The following ZNF81 variants were observed in gnomAD, a reference collection of about 807,000 sequenced individuals.
The protein encoded by ZNF81 is zinc finger protein 81 (HFZ20).
ZNF81 carries 5 observed loss-of-function variants against 32.3 expected under a neutral mutation model. The ratio of observed to expected loss-of-function variants is 0.15; its 90% CI spans 0.08 to 0.33. The LOEUF (loss-of-function observed/expected upper bound fraction) is 0.33. Ranked by LOEUF, ZNF81 falls within the 10% of genes least tolerant of loss-of-function variation. ZNF81 has a pLI of 1.00. For missense variants in ZNF81, 379 were observed against 479.8 expected, an observed-to-expected ratio of 0.79 and a Z score of 1.96; for synonymous variants, 163 against 166.8, an observed-to-expected ratio of 0.98 and a Z score of 0.17.
chrX:47,841,491 G>T, intron 1 of ZNF81: 3 of 1,021,946 alleles, frequency 2.9e-6, no homozygotes, highest in Admixed American at 4.4e-5. Context: ...ACTTCTAGTC[G>T]TCTGAGACGC....
At chrX:47,841,107 GA>G in intron 1 of ZNF81, 1 of 865,481 alleles carries the variant, frequency 1.2e-6, no homozygotes, top group Non-Finnish European at 1.7e-6. Context: ...AGATCTCCTC[GA>G]AATGTTTCCC....
Position 47,882,172 on chromosome X carries a change from A to G in ZNF81, c.55-5827A>G, listed in dbSNP as rs181906668. Among the ~76,000 whole-genome samples the G allele has an allele frequency of 1.3e-4, 14 of 111,243 alleles. No individual in the cohort carries two copies. The East Asian group carries it at 3.4e-3, about 27-fold the overall frequency. On this transcript the variant is annotated intron_variant, in intron 2 of 4. Coordinates refer to ENST00000338637, the MANE Select transcript of ZNF81 (RefSeq NM_007137.5). ...AGTTTTGACAAGTATATGTGTGTGT[A>G]TATATATATGTACATATATATACAC...
chrX:47,846,392 A>G, intron 2 of ZNF81, 71 bp downstream of exon 2: 1 of 1,123,892 alleles, frequency 8.9e-7, no homozygotes, highest in East Asian at 3.1e-5. Context: ...ACTACCTCAT[A>G]GTTTTCATTT....
rs141180719 is a variant in ZNF81 at position 47,879,937 on chromosome X, A to G, written c.55-8062A>G. Among the ~76,000 whole-genome samples, 15 of 112,269 alleles carry G rather than the reference A, an allele frequency of 1.3e-4. 1 individual carries two copies. In the East Asian group the frequency reaches 4.2e-3, roughly 31 times the overall value. ...GGCCATTTGCCCTGTGCTATGTCCC[A>G]CATTTTGGAATTTGCTAATTGTATT... is the stretch of plus-strand genomic sequence containing the variant. On this transcript the variant is annotated intron_variant, in intron 2 of 4. Coordinates refer to ENST00000338637, the MANE Select transcript of ZNF81 (RefSeq NM_007137.5).
chrX:47,862,471 C>T (rs1270541303), intron 2 of ZNF81, among the ~76,000 whole-genome samples: 4 of 105,924 alleles, frequency 3.8e-5, no homozygotes, highest in Admixed American at 3.1e-4. Context: ...TGCAGTGAGC[C>T]GAGATCATGC....
chrX:47,837,112 C>T (rs1033710788), intron 1 of ZNF81, 125 bp downstream of exon 1: 1 of 127,733 alleles, frequency 7.8e-6, no homozygotes, highest in Non-Finnish European at 1.6e-5. Context: ...TCTAACATCA[C>T]CGTTAAGGTC....
At chrX:47,891,993 G>A (rs369301476) in intron 3 of ZNF81, among the ~76,000 whole-genome samples, 1 of 111,177 alleles carries the variant, frequency 9.0e-6, no homozygotes, top group African/African-American at 3.3e-5. Context: ...GCTCAAGTCT[G>A]GGAATTGATT....
Position 47,916,178 on chromosome X carries a change from C to T in ZNF81, c.1532C>T (p.Ser511Leu). 2 of 1,211,565 alleles carry T rather than the reference C, an allele frequency of 1.7e-6. No individual in the cohort carries two copies. The highest frequency in any genetic ancestry group is 2.2e-6 in the Non-Finnish European group (2 of 895,426). Residue 511 changes from serine to leucine, a missense_variant, in exon 5 of 5, where the codon TCA (serine) becomes TTA (leucine). By Grantham distance (145) the Ser-to-Leu change is moderately radical. Around this residue, in one of 2 missense-constraint regions of ZNF81, gnomAD observed 102 missense variants for 173.2 expected, o/e 0.59. Transcript: ENST00000338637. ...TECGKAFTNR[S>L]NLNTHQKSHT... Reference sequence around the variant, plus strand: ...TGTGGGAAGGCTTTCACCAACAGGTCAAATCTCAATACTCACCAGAAGTCT... The same window carrying T: ...TGTGGGAAGGCTTTCACCAACAGGTTAAATCTCAATACTCACCAGAAGTCT...
rs782284307 is a variant in ZNF81 at position 47,918,414 on chromosome X, C to T, written c.*1782C>T. 3 of 111,343 alleles carry T rather than the reference C, an allele frequency of 2.7e-5. No homozygotes were observed. The highest frequency in any genetic ancestry group is 3.8e-5 in the Non-Finnish European group (2 of 53,065). 9.2% of individuals were successfully genotyped at this position (111,343 alleles called of 1,213,427 possible). ...TAAGGGCTTCTAAAAATCTTCATGA[C>T]GTTGTCCCATAGAAGCCTGACATAC... On this transcript the variant is annotated 3_prime_UTR_variant, in exon 5 of 5. Coordinates refer to ENST00000338637, the MANE Select transcript of ZNF81 (RefSeq NM_007137.5).
intron 4 of ZNF81, among the ~76,000 whole-genome samples, chrX:47,901,582 C>A (rs1480088024): frequency 9.0e-6 from 1 of 111,443 alleles, no homozygotes; most frequent in Non-Finnish European, 1.9e-5. Context: ...TGCATTTTAT[C>A]CTACTAATAT....
rs183591581 is a variant in ZNF81, at chrX:47,865,405, G to A, written c.54+19084G>A. ...GCTATCTTTCGTAAGGGGTGTTGCT[G>A]GTGACTCTGTAAGGACAATGAAAAA... On this transcript the variant is annotated intron_variant, in intron 2 of 4. Coordinates refer to ENST00000338637, the MANE Select transcript of ZNF81 (RefSeq NM_007137.5). 8.0e-5 allele frequency among the ~76,000 whole-genome samples: 9 copies of A among 112,009 alleles called. No homozygotes were observed. The East Asian group carries it at 2.2e-3, about 28-fold the overall frequency.
intron 2 of ZNF81, among the ~76,000 whole-genome samples, chrX:47,863,238 A>G (rs1176700108): frequency 9.0e-5 from 10 of 111,729 alleles, no homozygotes; most frequent in African/African-American, 2.9e-4. Flanking sequence ...CAAGGCAGCT[A>G]TAAGGTTGTC....
At position 47,916,881 on chromosome X, in the gene ZNF81, G is replaced by A. The variant is rs2058759114; in HGVS notation, c.*249G>A. 3 of 318,120 alleles carry A rather than the reference G, an allele frequency of 9.4e-6. No individual in the cohort carries two copies. In the Admixed American group the frequency reaches 1.6e-4, roughly 17 times the overall value. 26.2% of individuals were successfully genotyped at this position (318,120 alleles called of 1,213,427 possible). ...AGTCATACTGGGAAAAATGTTGTCAGTTTGGTGTGTTAGGAAAAGCCTTCC... is the reference window on the plus strand; with the variant it reads ...AGTCATACTGGGAAAAATGTTGTCAATTTGGTGTGTTAGGAAAAGCCTTCC... On this transcript the variant is annotated 3_prime_UTR_variant, in exon 5 of 5. Coordinates refer to ENST00000338637, the MANE Select transcript of ZNF81 (RefSeq NM_007137.5).
chrX:47,891,533 C>G (rs1237952040), intron 3 of ZNF81, among the ~76,000 whole-genome samples: 1 of 112,145 alleles, frequency 8.9e-6, no homozygotes, highest in East Asian at 2.8e-4. Flanking sequence ...CCTTTCCCAC[C>G]ATAAGAGCCC....
intron 2 of ZNF81, among the ~76,000 whole-genome samples, chrX:47,858,988 G>T (rs1281704661): frequency 9.1e-6 from 1 of 109,751 alleles, no homozygotes; most frequent in Non-Finnish European, 1.9e-5. Flanking sequence ...TACTTGGGAG[G>T]CTGAGGCAGG....
chrX:47,860,178 C>CTTT (rs35562353), intron 2 of ZNF81, among the ~76,000 whole-genome samples: 2 of 91,690 alleles, frequency 2.2e-5, no homozygotes, highest in Non-Finnish European at 2.1e-5. Context: ...ATGAGATGAC[C>CTTT]TTTTTTTTTT....
chrX:47,920,231 AC>A lies in ZNF81; in HGVS notation c.*3600del, dbSNP rs782739818. The A allele has an allele frequency of 6.3e-5, 7 of 111,876 alleles. No individual in the cohort carries two copies. The highest frequency in any genetic ancestry group is 1.1e-4 in the Non-Finnish European group (6 of 53,184). 9.2% of individuals were successfully genotyped at this position (111,876 alleles called of 1,213,427 possible). On this transcript the variant is annotated 3_prime_UTR_variant, in exon 5 of 5. Coordinates refer to ENST00000338637, the MANE Select transcript of ZNF81 (RefSeq NM_007137.5). ...AGAGAATTTTTATTTTTCCCAGACC[AC>A]ACTTGCCTTTAGGCCTGTAGGCCTT...
In ZNF81 at chrX:47,919,233, A is replaced by G. The variant is rs1484173580; in HGVS notation, c.*2601A>G. 9 of 326,542 alleles carry G rather than the reference A, an allele frequency of 2.8e-5. No individual in the cohort carries two copies. Among genetic ancestry groups the G allele is most frequent in the African/African-American group, 2.7e-5 (1 of 37,448 alleles). 26.9% of individuals were successfully genotyped at this position (326,542 alleles called of 1,213,427 possible). A position where few individuals can be genotyped will look rare whatever the true frequency, so the allele number is the denominator to read the frequency against. On this transcript the variant is annotated 3_prime_UTR_variant, in exon 5 of 5. Transcript: ENST00000338637. ...ATGCTACAGATGTCTTCATCCCTGT[A>G]TATGTGTCCTTCTTCAGTCTTTATT... is the stretch of plus-strand genomic sequence containing the variant.
intron 2 of ZNF81, among the ~76,000 whole-genome samples, chrX:47,848,880 T>C (rs1376426808): frequency 8.9e-6 from 1 of 111,905 alleles, no homozygotes; most frequent in Non-Finnish European, 1.9e-5. Context: ...CTAAATTCTC[T>C]TACCCATCTT....
Sources: gnomAD v4.1 joint callset for allele counts (sites outside exome capture counted in the v4.1 genomes callset) on GRCh38, gnomAD v4.1.1 for gene constraint, gnomAD v4.1.1 regional missense constraint, MANE v1.5 for transcripts, NCBI Gene and HGNC (gene_info 2026-07-23, HGNC 2026-07-21) for gene names.